The following PARD3B variants were observed in gnomAD, a reference collection of about 807,000 sequenced individuals.
PARD3B encodes partitioning defective 3 homolog B.
In PARD3B, 103 loss-of-function variants were observed where a neutral mutation model predicts 130.2. The observed-to-expected ratio is 0.79, with a 90% CI of 0.67 to 0.93. The LOEUF (loss-of-function observed/expected upper bound fraction) is 0.93, where lower values mean the gene tolerates loss of function less well. PARD3B is among the 40% of genes least tolerant of loss of function. PARD3B has a pLI of 0.00. For missense variants in PARD3B, 1,609 were observed against 1,499.2 expected (o/e 1.07, Z -1.21); for synonymous variants, 583 against 553.2 (o/e 1.05, Z -0.76).
At chr2:204,826,156 A>C (rs2043562291) in intron 2 of PARD3B, among the ~76,000 whole-genome samples, 2 of 152,198 alleles carry the variant, frequency 1.3e-5, no homozygotes, top group Non-Finnish European at 2.9e-5. Context: ...AATAACCTTG[A>C]AAAGTATTAT....
intron 2 of PARD3B, among the ~76,000 whole-genome samples, chr2:204,794,616 A>G (rs895007106): frequency 3.9e-5 from 6 of 152,248 alleles, no homozygotes; most frequent in African/African-American, 1.4e-4. Flanking sequence ...TTGAGCACAG[A>G]TAACAGTAAC....
intron 19 of PARD3B, among the ~76,000 whole-genome samples, chr2:205,402,372 C>T (rs2046281575): frequency 6.6e-6 from 1 of 152,188 alleles, no homozygotes; most frequent in Admixed American, 6.6e-5. Context: ...CATATATTGG[C>T]AAAGGCATCT....
rs1000823278 is a variant in PARD3B, at chr2:205,011,204, T to C, written c.395-36377T>C. 6.6e-6 allele frequency among the ~76,000 whole-genome samples: 1 copy of C among 152,212 alleles called. No individual in the cohort carries two copies. The highest frequency in any genetic ancestry group is 1.5e-5 in the Non-Finnish European group (1 of 68,032). On this transcript the variant is annotated intron_variant, in intron 3 of 22. Coordinates refer to ENST00000406610, the MANE Select transcript of PARD3B (RefSeq NM_001302769.2). The surrounding 1 kb of genome is among the most constrained non-coding windows in gnomAD (Gnocchi z 4.1). ...TTAGCAGCTTAAAATGACAAACATT[T>C]ATTACCTCATACAGATGATTACTGT...
chr2:204,953,938 C>T (rs1274975965), intron 2 of PARD3B, among the ~76,000 whole-genome samples: 1 of 151,898 alleles, frequency 6.6e-6, no homozygotes. Flanking sequence ...GAGACAAGAC[C>T]CAGAAAGTCA....
chr2:204,632,712 C>T (rs990352912), intron 1 of PARD3B, among the ~76,000 whole-genome samples: 1 of 152,200 alleles, frequency 6.6e-6, no homozygotes, highest in African/African-American at 2.4e-5. Context: ...AGAAGCCTGG[C>T]TTCCCAGGGT....
chr2:205,132,979 CG>C (rs1281853104), intron 10 of PARD3B, among the ~76,000 whole-genome samples: 3 of 151,904 alleles, frequency 2.0e-5, no homozygotes, highest in Non-Finnish European at 4.4e-5. Flanking sequence ...GGCTGGGAAA[CG>C]TATTACTAAA....
intron 22 of PARD3B, among the ~76,000 whole-genome samples, chr2:205,609,215 C>T (rs1313990399): frequency 1.3e-5 from 2 of 152,168 alleles, no homozygotes; most frequent in Non-Finnish European, 2.9e-5. Flanking sequence ...AAACCTGACA[C>T]TAAAGGAATT....
intron 1 of PARD3B, among the ~76,000 whole-genome samples, chr2:204,563,473 A>G (rs554624369): frequency 1.3e-5 from 2 of 152,110 alleles, no homozygotes; most frequent in South Asian, 4.2e-4. Flanking sequence ...TTTGTTTTTA[A>G]TGCATTTTTT....
intron 2 of PARD3B, among the ~76,000 whole-genome samples, chr2:204,868,577 C>G (rs565359746): frequency 3.5e-4 from 54 of 152,250 alleles, no homozygotes; most frequent in Non-Finnish European, 6.9e-4. Flanking sequence ...CCGTGAAACC[C>G]GGAGAATTTG....
In PARD3B at chr2:205,244,534, G is replaced by T. The variant is rs1225256657; in HGVS notation, c.2141-1244G>T. Among the ~76,000 whole-genome samples the T allele has an allele frequency of 6.6e-6, 1 of 152,180 alleles. No individual in the cohort carries two copies. Among genetic ancestry groups the T allele is most frequent in the East Asian group, 1.9e-4 (1 of 5,194 alleles). ...ATCTGGGTAACACTAGCCTCATAGAGTGGCTTGGGAAATCCTCTCTCTTTC... is the reference window on the plus strand; with the variant it reads ...ATCTGGGTAACACTAGCCTCATAGATTGGCTTGGGAAATCCTCTCTCTTTC... On this transcript the variant is annotated intron_variant, in intron 15 of 22. Coordinates refer to ENST00000406610, the MANE Select transcript of PARD3B (RefSeq NM_001302769.2). This position sits in a 1 kb window ranked among gnomAD's most constrained non-coding sequence, Gnocchi z 4.7.
rs1255094728 is a variant in PARD3B, at chr2:205,321,736, A to T, written c.2630+20035A>T. Among the ~76,000 whole-genome samples, 1 of 152,236 alleles carries T rather than the reference A, an allele frequency of 6.6e-6. No individual in the cohort carries two copies. Among genetic ancestry groups the T allele is most frequent in the Non-Finnish European group, 1.5e-5 (1 of 68,038 alleles). ...GGTGGTAATTTCAAATATGATTACA[A>T]GTCAAGAAAACCATTTTTGTGGGGT... On this transcript the variant is annotated intron_variant, in intron 18 of 22. Transcript: ENST00000406610. This position sits in a 1 kb window ranked among gnomAD's most constrained non-coding sequence, Gnocchi z 4.2.
At position 204,770,704 on chromosome 2, in the gene PARD3B, A is replaced by G. The variant is rs531847709; in HGVS notation, c.222+84422A>G. Reference sequence around the variant, plus strand: ...TTATTTCCCTCCTCCTTTGTAGGAAAAGATCCACTACTCATACCTACTGAC... The same window carrying G: ...TTATTTCCCTCCTCCTTTGTAGGAAGAGATCCACTACTCATACCTACTGAC... On this transcript the variant is annotated intron_variant, in intron 2 of 22. Coordinates refer to ENST00000406610, the MANE Select transcript of PARD3B (RefSeq NM_001302769.2). 2.0e-5 allele frequency among the ~76,000 whole-genome samples: 3 copies of G among 152,110 alleles called. No individual in the cohort carries two copies. The Admixed American group carries it at 2.0e-4, about 10-fold the overall frequency.
intron 20 of PARD3B, among the ~76,000 whole-genome samples, chr2:205,482,425 A>C (rs1376327619): frequency 6.6e-6 from 1 of 152,190 alleles, no homozygotes; most frequent in East Asian, 1.9e-4. Flanking sequence ...GGCAGATGGC[A>C]AAAGGAGACG....
chr2:205,382,004 C>A (rs536755103), intron 18 of PARD3B, among the ~76,000 whole-genome samples: 1 of 152,016 alleles, frequency 6.6e-6, no homozygotes, highest in Admixed American at 6.6e-5. Context: ...TACTTTTTAC[C>A]CAATAATTAC....
chr2:204,661,313 C>G (rs1013271614), intron 1 of PARD3B, among the ~76,000 whole-genome samples: 1 of 152,118 alleles, frequency 6.6e-6, no homozygotes, highest in African/African-American at 2.4e-5. Context: ...AACGGTTTTT[C>G]CCTTCCCCTT....
At chr2:205,464,943 G>C (rs1355121015) in intron 20 of PARD3B, among the ~76,000 whole-genome samples, 1 of 152,128 alleles carries the variant, frequency 6.6e-6, no homozygotes, top group Non-Finnish European at 1.5e-5. Context: ...GTCAACACTG[G>C]GCTACTCTGG....
At chr2:205,254,867 T>C (rs2040009012) in intron 16 of PARD3B, among the ~76,000 whole-genome samples, 1 of 151,652 alleles carries the variant, frequency 6.6e-6, no homozygotes, top group Non-Finnish European at 1.5e-5. Context: ...GGTTTCACCA[T>C]GTTGGTCAGG....
At chr2:205,209,850 A>C (rs1159470585) in intron 15 of PARD3B, among the ~76,000 whole-genome samples, 1 of 152,100 alleles carries the variant, frequency 6.6e-6, no homozygotes. Context: ...ATAGTATGAC[A>C]GAGTGACTAT....
At chr2:205,519,570 A>G (rs925811525) in intron 21 of PARD3B, among the ~76,000 whole-genome samples, 1 of 152,020 alleles carries the variant, frequency 6.6e-6, no homozygotes, top group Non-Finnish European at 1.5e-5. Flanking sequence ...TCTGAATTCT[A>G]TTTGTGTCAT....
Sources: gnomAD v4.1 joint callset for allele counts (sites outside exome capture counted in the v4.1 genomes callset) on GRCh38, gnomAD v4.1.1 for gene constraint, Gnocchi (gnomAD v3.1) non-coding constraint, MANE v1.5 for transcripts, NCBI Gene and HGNC (gene_info 2026-07-23, HGNC 2026-07-21) for gene names.